GPM6A: variants seen among roughly 807,000 people sequenced by gnomAD.
The protein encoded by GPM6A is neuronal membrane glycoprotein M6-a.
Under a neutral mutation model 32.1 loss-of-function variants are expected in GPM6A, and 7 were observed. The observed-to-expected ratio is 0.22, with a 90% confidence interval of 0.12 to 0.41. The LOEUF is 0.41. Ranked by LOEUF, GPM6A falls within the 10% of genes least tolerant of loss-of-function variation. The pLI is 1.00. For missense variants in GPM6A, 235 were observed against 347.2 expected (o/e 0.68, Z 2.57); for synonymous variants, 130 against 123.4 (o/e 1.05, Z -0.35).
At chr4:175,913,193 A>G (rs1380800056) in intron 1 of GPM6A, among the ~76,000 whole-genome samples, 1 of 152,228 alleles carries the variant, frequency 6.6e-6, no homozygotes, top group African/African-American at 2.4e-5. Context: ...TATAATAACA[A>G]TCTGAACCTT....
In GPM6A at chr4:175,673,706, T is replaced by C. The variant is rs1345183983; in HGVS notation, c.361A>G (p.Thr121Ala). 2 of 1,610,536 alleles carry C rather than the reference T, an allele frequency of 1.2e-6. No homozygotes were observed. Residue 121 changes from threonine (T) to alanine (A), a missense_variant, in exon 3 of 7, where the codon ACT becomes GCT. Coordinates refer to ENST00000393658, the MANE Select transcript of GPM6A (RefSeq NM_201591.3). ...KDLYGDFKIT[T>A]CGRCVSAWFI... ...CAAGCGCTCACACATCTGCCACAAGTGGTGATTTTGAAATCCCCATAGAGA... is the reference window on the plus strand; with the variant it reads ...CAAGCGCTCACACATCTGCCACAAGCGGTGATTTTGAAATCCCCATAGAGA...
intron 1 of GPM6A, among the ~76,000 whole-genome samples, chr4:175,917,224 T>C (rs1008669122): frequency 6.6e-5 from 10 of 152,006 alleles, no homozygotes; most frequent in African/African-American, 2.2e-4. Context: ...CCAAGGCAGC[T>C]TCTTACCCTC....
At chr4:175,660,486 T>G (rs981111511) in intron 3 of GPM6A, among the ~76,000 whole-genome samples, 1 of 152,154 alleles carries the variant, frequency 6.6e-6, no homozygotes, top group African/African-American at 2.4e-5. Context: ...ATATATTATG[T>G]GAAAAAATAG....
intron 1 of GPM6A, among the ~76,000 whole-genome samples, chr4:175,731,140 C>G (rs991645217): frequency 1.3e-5 from 2 of 152,148 alleles, no homozygotes; most frequent in Non-Finnish European, 2.9e-5. Context: ...AAAGATACCA[C>G]GGCACATCTT....
At chr4:175,708,330 GA>G (rs1199875680) in intron 1 of GPM6A, among the ~76,000 whole-genome samples, 2 of 151,902 alleles carry the variant, frequency 1.3e-5, no homozygotes, top group Admixed American at 1.3e-4. Flanking sequence ...GAGGTAAAGG[GA>G]TCATCCAAGA....
At chr4:175,922,749 CACTT>C (rs1361818616) in intron 1 of GPM6A, among the ~76,000 whole-genome samples, 4 of 152,152 alleles carry the variant, frequency 2.6e-5, no homozygotes, top group African/African-American at 7.2e-5. Context: ...CTTACAGTAA[CACTT>C]ACATTATAAA....
At chr4:175,734,196 C>T (rs1464395394) in intron 1 of GPM6A, among the ~76,000 whole-genome samples, 2 of 150,516 alleles carry the variant, frequency 1.3e-5, no homozygotes, top group Admixed American at 6.6e-5. Context: ...CAGTGCTGCT[C>T]TTCTTACTTG....
chr4:175,971,549 T>C (rs987840774), intron 1 of GPM6A, among the ~76,000 whole-genome samples: 2 of 152,134 alleles, frequency 1.3e-5, no homozygotes, highest in Non-Finnish European at 2.9e-5. Flanking sequence ...CCCTCTCCTT[T>C]ATATCTCTCT....
intron 4 of GPM6A, among the ~76,000 whole-genome samples, chr4:175,646,247 C>T (rs1299730677): frequency 6.6e-6 from 1 of 152,060 alleles, no homozygotes; most frequent in Non-Finnish European, 1.5e-5. Context: ...AATATTTTAC[C>T]AAATGAATTA....
chr4:175,711,445 TATATATATATATAC>T (rs70962413), intron 1 of GPM6A, among the ~76,000 whole-genome samples: 7,980 of 71,924 alleles, frequency 0.11, 1,065 homozygotes, highest in East Asian at 0.22. Flanking sequence ...TATATATATA[TATATATATATATAC>T]ACACACATAC....
At chr4:175,748,385 C>T (rs368985404) in intron 1 of GPM6A, among the ~76,000 whole-genome samples, 3 of 152,194 alleles carry the variant, frequency 2.0e-5, no homozygotes, top group African/African-American at 7.2e-5. Flanking sequence ...GAAATTACTC[C>T]TTGATCCACG....
chr4:175,796,986 T>C (rs1326958333), intron 1 of GPM6A, among the ~76,000 whole-genome samples: 1 of 68,810 alleles, frequency 1.5e-5, no homozygotes, highest in Non-Finnish European at 3.9e-5. Context: ...TGCCATTCTT[T>C]GTTGTTTTTA....
intron 1 of GPM6A, among the ~76,000 whole-genome samples, chr4:175,938,281 G>A (rs1018951185): frequency 2.6e-5 from 4 of 152,110 alleles, no homozygotes; most frequent in African/African-American, 9.7e-5. Context: ...TAATGGTATT[G>A]CTGAGTCAAA....
chr4:175,850,714 A>C (rs922782638), intron 1 of GPM6A, among the ~76,000 whole-genome samples: 10 of 151,890 alleles, frequency 6.6e-5, no homozygotes, highest in African/African-American at 2.4e-4. Flanking sequence ...TAAAATAAAT[A>C]AGTATGTAAA....
At chr4:175,642,207 A>G (rs1200323021) in intron 4 of GPM6A, 1 of 152,188 alleles carries the variant, frequency 6.6e-6, no homozygotes, top group Non-Finnish European at 1.5e-5. Flanking sequence ...AAGAGTGGGT[A>G]AAAATTTAAA....
At chr4:175,942,781 C>G (rs1739455293) in intron 1 of GPM6A, among the ~76,000 whole-genome samples, 1 of 152,120 alleles carries the variant, frequency 6.6e-6, no homozygotes, top group Admixed American at 6.5e-5. Context: ...GTTACTGTAG[C>G]CTTGTAGTAT....
At chr4:175,915,008 AG>A (rs1738445563) in intron 1 of GPM6A, among the ~76,000 whole-genome samples, 1 of 152,196 alleles carries the variant, frequency 6.6e-6, no homozygotes, top group South Asian at 2.1e-4. Flanking sequence ...AAATGTTGAA[AG>A]ATATTGCCAA....
intron 1 of GPM6A, among the ~76,000 whole-genome samples, chr4:175,948,100 A>T (rs1739669898): frequency 6.6e-6 from 1 of 152,192 alleles, no homozygotes; most frequent in African/African-American, 2.4e-5. Context: ...GGACACCTGA[A>T]GATAATACTT....
intron 1 of GPM6A, among the ~76,000 whole-genome samples, chr4:175,945,323 A>G (rs1454422115): frequency 6.6e-6 from 1 of 152,166 alleles, no homozygotes; most frequent in Non-Finnish European, 1.5e-5. Context: ...GTTCTTGTTT[A>G]GTACAAACAA....
Sources: gnomAD v4.1 joint callset for allele counts (sites outside exome capture counted in the v4.1 genomes callset) on GRCh38, gnomAD v4.1.1 for gene constraint, MANE v1.5 for transcripts, NCBI Gene and HGNC (gene_info 2026-07-23, HGNC 2026-07-21) for gene names.